Variants in ZMAT4 observed in about 807,000 individuals in gnomAD.
The protein encoded by ZMAT4 is zinc finger matrin-type protein 4.
A neutral mutation model predicts 28.7 loss-of-function variants in ZMAT4; 17 were observed. That is an observed-to-expected ratio of 0.59 (90% CI 0.41 to 0.89). The LOEUF (loss-of-function observed/expected upper bound fraction) is 0.89, where lower values mean the gene tolerates loss of function less well. ZMAT4 is among the 40% of genes least tolerant of loss of function. ZMAT4 has a pLI of 0.00. For missense variants in ZMAT4, 240 were observed against 283.8 expected, an observed-to-expected ratio of 0.85 and a Z score of 1.11; for synonymous variants, 117 against 109.2, an observed-to-expected ratio of 1.07 and a Z score of -0.44.
At chr8:40,803,617 T>A (rs933700278) in intron 2 of ZMAT4, among the ~76,000 whole-genome samples, 7 of 152,194 alleles carry the variant, frequency 4.6e-5, no homozygotes, top group Admixed American at 3.9e-4. Context: ...GGAGCTCTCA[T>A]CATTGCTGGT....
Position 40,630,485 on chromosome 8 carries a change from C to G in ZMAT4, c.577+44219G>C, listed in dbSNP as rs76567513. On this transcript the variant is annotated intron_variant, in intron 5 of 6. Transcript: ENST00000297737. ...CTTTCCTAAACTCACACAACCAAAC[C>G]GTGGGGAACTTAGAATTTAAGCATG... Among the ~76,000 whole-genome samples, 756 of 152,238 alleles carry G rather than the reference C, an allele frequency of 5.0e-3. 6 individuals carry two copies. The highest frequency in any genetic ancestry group is 0.017 in the African/African-American group (716 of 41,534).
chr8:40,589,974 T>TCCC (rs1162855323), intron 5 of ZMAT4, among the ~76,000 whole-genome samples: 176 of 52,352 alleles, frequency 3.4e-3, no homozygotes, highest in East Asian at 7.0e-3. Flanking sequence ...CCTCCCTCCC[T>TCCC]TCCTTCCTTC....
intron 1 of ZMAT4, among the ~76,000 whole-genome samples, chr8:40,848,312 A>G (rs1816981116): frequency 2.0e-5 from 3 of 152,230 alleles, no homozygotes; most frequent in Admixed American, 2.0e-4. Flanking sequence ...TTTCCACTGT[A>G]GGACTCCACC....
At chr8:40,801,355 T>A (rs868454423) in intron 2 of ZMAT4, among the ~76,000 whole-genome samples, 3,131 of 116,090 alleles carry the variant, frequency 0.027, 197 homozygotes, top group Admixed American at 0.17. Context: ...AAAAAAAATA[T>A]ATATATATAT....
chr8:40,717,186 T>G (rs1158356485), intron 3 of ZMAT4, among the ~76,000 whole-genome samples: 1 of 152,230 alleles, frequency 6.6e-6, no homozygotes, highest in Non-Finnish European at 1.5e-5. Context: ...ATGAAGGTCC[T>G]TAAGTCCCAA....
chr8:40,800,228 G>A (rs556772734), intron 2 of ZMAT4, among the ~76,000 whole-genome samples: 1 of 152,162 alleles, frequency 6.6e-6, no homozygotes, highest in Admixed American at 6.5e-5. Context: ...TAATAACAAG[G>A]CGTCAAAACA....
intron 5 of ZMAT4, among the ~76,000 whole-genome samples, chr8:40,645,738 T>A (rs933204823): frequency 2.0e-5 from 3 of 152,162 alleles, no homozygotes; most frequent in African/African-American, 7.2e-5. Flanking sequence ...AACTGAGTGA[T>A]AATTCATGGC....
intron 5 of ZMAT4, among the ~76,000 whole-genome samples, chr8:40,623,257 C>T (rs1256490915): frequency 6.6e-6 from 1 of 152,152 alleles, no homozygotes; most frequent in Non-Finnish European, 1.5e-5. Context: ...GAGTTCCTGG[C>T]TTCATGGCAG....
chr8:40,852,432 C>T (rs1817145522), intron 1 of ZMAT4, among the ~76,000 whole-genome samples: 1 of 152,136 alleles, frequency 6.6e-6, no homozygotes, highest in South Asian at 2.1e-4. Flanking sequence ...TAAACGATAG[C>T]TGGATTTTCT....
chr8:40,778,182 C>T (rs987090404), intron 2 of ZMAT4, among the ~76,000 whole-genome samples: 30 of 152,166 alleles, frequency 2.0e-4, no homozygotes, highest in African/African-American at 7.0e-4. Flanking sequence ...AGAGATTCTC[C>T]ATCTCTCATC....
chr8:40,561,088 G>A (rs558060684), intron 6 of ZMAT4, among the ~76,000 whole-genome samples: 3 of 152,142 alleles, frequency 2.0e-5, no homozygotes, highest in South Asian at 4.1e-4. Flanking sequence ...AGAAAAGATC[G>A]TCTTTGATTT....
chr8:40,895,627 C>T (rs1818841083), intron 1 of ZMAT4, among the ~76,000 whole-genome samples: 1 of 152,202 alleles, frequency 6.6e-6, no homozygotes, highest in Non-Finnish European at 1.5e-5. Context: ...CCTCCGCCCC[C>T]TCCCCCCACA....
chr8:40,622,287 G>A (rs1354817214), intron 5 of ZMAT4, among the ~76,000 whole-genome samples: 1 of 152,198 alleles, frequency 6.6e-6, no homozygotes, highest in Non-Finnish European at 1.5e-5. Context: ...TAGAGAGCTT[G>A]AATATGTGTG....
In ZMAT4 at chr8:40,531,479, G is replaced by A. The variant is rs540993512; in HGVS notation, c.*744C>T. On this transcript the variant is annotated 3_prime_UTR_variant, in exon 7 of 7. Coordinates refer to ENST00000297737, the MANE Select transcript of ZMAT4 (RefSeq NM_024645.3). Reference sequence around the variant, plus strand: ...CTTTTGGGGAAAAAAATTCACCAAGGTCAAGGGCTGTGAAGACGTTTTTGC... The same window carrying A: ...CTTTTGGGGAAAAAAATTCACCAAGATCAAGGGCTGTGAAGACGTTTTTGC... The A allele has an allele frequency of 6.6e-6, 1 of 152,556 alleles. No homozygotes were observed. Among genetic ancestry groups the A allele is most frequent in the African/African-American group, 2.4e-5 (1 of 41,422 alleles). The allele number at this position is 152,556 out of a possible 1,614,324, so 9.5% of individuals were successfully genotyped here.
intron 1 of ZMAT4, among the ~76,000 whole-genome samples, chr8:40,844,438 G>C (rs577270621): frequency 1.2e-4 from 19 of 152,238 alleles, no homozygotes; most frequent in Middle Eastern, 6.8e-3. Flanking sequence ...ATCTTCTCTG[G>C]CCCCTGGGAT....
chr8:40,644,777 G>A (rs2118782505), intron 5 of ZMAT4, among the ~76,000 whole-genome samples: 1 of 152,254 alleles, frequency 6.6e-6, no homozygotes, highest in East Asian at 1.9e-4. Context: ...GTCAACATCA[G>A]CAGCAATAAA....
intron 3 of ZMAT4, among the ~76,000 whole-genome samples, chr8:40,748,233 T>C (rs1170829770): frequency 6.6e-6 from 1 of 152,222 alleles, no homozygotes; most frequent in Admixed American, 6.5e-5. Flanking sequence ...AGATGAATTA[T>C]ACGTGATTAC....
chr8:40,859,595 A>C (rs569611523), intron 1 of ZMAT4, among the ~76,000 whole-genome samples: 17 of 152,330 alleles, frequency 1.1e-4, no homozygotes, highest in Admixed American at 3.9e-4. Flanking sequence ...TAAGGACAGA[A>C]GCTCCAGGTA....
chr8:40,852,278 T>C (rs931065707), intron 1 of ZMAT4, among the ~76,000 whole-genome samples: 23 of 152,358 alleles, frequency 1.5e-4, no homozygotes, highest in African/African-American at 5.3e-4. Flanking sequence ...TATTAACTTT[T>C]GTTGAGCTTC....
Sources: allele counts gnomAD v4.1 joint callset (sites outside exome capture counted in the v4.1 genomes callset), GRCh38; gene constraint gnomAD v4.1.1; transcripts MANE v1.5; gene names NCBI Gene and HGNC (gene_info 2026-07-23, HGNC 2026-07-21).